MARS1: variants seen among roughly 807,000 people sequenced by gnomAD.
The protein encoded by MARS1 is methionine--tRNA ligase, cytoplasmic.
MARS1 carries 80 observed loss-of-function variants against 119.5 expected under a neutral mutation model. That is an observed-to-expected ratio of 0.67 (90% confidence interval 0.56 to 0.81). The LOEUF (loss-of-function observed/expected upper bound fraction) is 0.81, where lower values mean the gene tolerates loss of function less well. Among genes scored for constraint, MARS1 ranks in the 30% least tolerant of loss-of-function variants. The pLI is 0.00. For missense variants in MARS1, 945 were observed against 1,116.5 expected (o/e 0.85, Z 2.19); for synonymous variants, 418 against 433.4 (o/e 0.96, Z 0.44).
intron 7 of MARS1, among the ~76,000 whole-genome samples, chr12:57,497,852 G>A (rs903494109): frequency 5.9e-5 from 9 of 152,070 alleles, no homozygotes; most frequent in African/African-American, 2.2e-4. Context: ...GTTTGAGCCT[G>A]AGAATGAGGT....
In MARS1 at chr12:57,504,335, G is replaced by A. The variant is rs145092134; in HGVS notation, c.1368+36G>A. ...TTTTCTCTCAACCTAGTTTTCAGGA[G>A]GCCTCTTCTGTCCCCTCTGCCTTAG... On this transcript the variant is annotated intron_variant, in intron 11 of 20. Transcript: ENST00000262027. 9.7e-4 allele frequency: 1,502 copies of A among 1,545,456 alleles called. 35 individuals carry two copies. The East Asian group carries it at 0.027, about 28-fold the overall frequency.
rs529205399 is a variant in MARS1 at position 57,510,397 on chromosome 12, G to A, written c.1369-1301G>A. Among the ~76,000 whole-genome samples the A allele has an allele frequency of 3.6e-4, 54 of 151,274 alleles. 1 individual carries two copies. Among genetic ancestry groups the A allele is most frequent in the Admixed American group, 3.0e-3 (46 of 15,194 alleles). On this transcript the variant is annotated intron_variant, in intron 11 of 20. Coordinates refer to ENST00000262027, the MANE Select transcript of MARS1 (RefSeq NM_004990.4). ...TGAGGCAGGAGAATCGCTTGAACCT[G>A]GAGGTGGGGAGGTTGCAGTGAGCTG... is the stretch of plus-strand genomic sequence containing the variant.
rs1565645936 is a variant in MARS1 at position 57,502,729 on chromosome 12, ACAAC to A, written c.1294-1495_1294-1492del. Among the ~76,000 whole-genome samples, 10 of 132,750 alleles carry A rather than the reference ACAAC, an allele frequency of 7.5e-5. 1 individual carries two copies. The highest frequency in any genetic ancestry group is 1.4e-4 in the African/African-American group (5 of 36,208). 87.1% of individuals were successfully genotyped at this position (132,750 alleles called of 152,430 possible). A position where few individuals can be genotyped will look rare whatever the true frequency, so the allele number is the denominator to read the frequency against. ...TCAAAAAAAAAAAAAAAAAGCAACA[ACAAC>A]AAAAAAAAAACAAGCCAGGCACGGT... On this transcript the variant is annotated intron_variant, in intron 10 of 20. Coordinates refer to ENST00000262027, the MANE Select transcript of MARS1 (RefSeq NM_004990.4).
intron 7 of MARS1, among the ~76,000 whole-genome samples, chr12:57,494,739 C>T (rs1339095153): frequency 5.9e-5 from 9 of 151,960 alleles, no homozygotes; most frequent in Non-Finnish European, 1.2e-4. Flanking sequence ...CAAGCATCTG[C>T]TTAACAAAGC....
chr12:57,490,722 G>A (rs1322047443), intron 7 of MARS1, 78 bp downstream of exon 7: 1 of 1,141,424 alleles, frequency 8.8e-7, no homozygotes, highest in Non-Finnish European at 1.3e-6. Context: ...CTGCCTGCTA[G>A]GTCCCGTTTG....
chr12:57,500,576 G>C, intron 10 of MARS1, 54 bp downstream of exon 10: 1 of 1,540,290 alleles, frequency 6.5e-7, no homozygotes, highest in Non-Finnish European at 8.9e-7. Context: ...TATTCTTAAG[G>C]GACGCCCTTC....
chr12:57,507,846 C>G (rs966746844), intron 11 of MARS1, among the ~76,000 whole-genome samples: 3 of 150,256 alleles, frequency 2.0e-5, no homozygotes, highest in Non-Finnish European at 4.5e-5. Flanking sequence ...CGGGCGGAGA[C>G]GCTCCTCACT....
chr12:57,510,055 A>G (rs1032339971), intron 11 of MARS1, among the ~76,000 whole-genome samples: 3 of 152,286 alleles, frequency 2.0e-5, no homozygotes, highest in East Asian at 3.9e-4. Context: ...TCTGTCACCC[A>G]GGCTGGAGTG....
chr12:57,497,366 G>A (rs562860474), intron 7 of MARS1, among the ~76,000 whole-genome samples: 2 of 152,266 alleles, frequency 1.3e-5, no homozygotes, highest in African/African-American at 4.8e-5. Flanking sequence ...AAGGGTTGAG[G>A]TTAATGTGAG....
chr12:57,503,067 A>T (rs1877005825), intron 10 of MARS1, among the ~76,000 whole-genome samples: 1 of 152,140 alleles, frequency 6.6e-6, no homozygotes, highest in African/African-American at 2.4e-5. Flanking sequence ...CTCTACTACA[A>T]AGCCCTCTCT....
chr12:57,493,809 TG>T (rs1188793552), intron 7 of MARS1, among the ~76,000 whole-genome samples: 31 of 1,094 alleles, frequency 0.028, 3 homozygotes, highest in South Asian at 0.062. Flanking sequence ...TATTATATAA[TG>T]TATATTATAT....
At chr12:57,516,209 T>C (rs559809345) in intron 19 of MARS1, 36 bp from the exon 20 acceptor site, 1 of 1,588,366 alleles carries the variant, frequency 6.3e-7, no homozygotes, top group Non-Finnish European at 8.6e-7. Context: ...TTAGGGGATA[T>C]TTATGGTTGC....
At chr12:57,504,115 G>T (rs1877063598) in intron 10 of MARS1, 110 bp from the exon 11 acceptor site, 10 of 749,006 alleles carry the variant, frequency 1.3e-5, no homozygotes, top group Middle Eastern at 7.3e-4. Flanking sequence ...TGAGCCTGAA[G>T]CTAAACTAGA....
At chr12:57,504,746 C>T (rs185086082) in intron 11 of MARS1, among the ~76,000 whole-genome samples, 1 of 149,038 alleles carries the variant, frequency 6.7e-6, no homozygotes, top group East Asian at 2.0e-4. Flanking sequence ...TCTTGTCGCC[C>T]AGGCTGGTGT....
intron 9 of MARS1, 148 bp from the exon 10 acceptor site, chr12:57,500,173 C>T (rs1359883988): frequency 2.8e-6 from 2 of 708,950 alleles, no homozygotes; most frequent in South Asian, 3.2e-5. Flanking sequence ...GTAAAACTCT[C>T]AAAAGATGAA....
chr12:57,513,009 G>C, intron 15 of MARS1, 45 bp downstream of exon 15: 1 of 1,526,502 alleles, frequency 6.6e-7, no homozygotes, highest in African/African-American at 1.4e-5. Context: ...GCTGGGGTGG[G>C]GCTCATTTTC....
chr12:57,493,767 T>C (rs372088436), intron 7 of MARS1, among the ~76,000 whole-genome samples: 1 of 990 alleles, frequency 1.0e-3, no homozygotes, highest in Non-Finnish European at 2.9e-3. Flanking sequence ...TTATATATAT[T>C]ATATATAATA....
At position 57,504,256 on chromosome 12, in the gene MARS1, C is replaced by CT; in HGVS notation, c.1326dup (p.Val443CysfsTer14). ...CAGTGTAAAGTCTGCCGATCATGCC[C>CT]TGTGGTGCAGTCGAGCCAGCACCTG... On this transcript the variant is annotated frameshift_variant, in exon 11 of 21. Transcript: ENST00000262027. LOFTEE classifies it high-confidence loss of function. 1 of 1,614,162 alleles carries CT rather than the reference C, an allele frequency of 6.2e-7. No individual in the cohort carries two copies. Among genetic ancestry groups the CT allele is most frequent in the Middle Eastern group, 1.6e-4 (1 of 6,062 alleles).
intron 1 of MARS1, chr12:57,488,708 C>A: frequency 6.7e-7 from 1 of 1,483,168 alleles, no homozygotes; most frequent in Non-Finnish European, 9.2e-7. Context: ...CTGTGACCTT[C>A]AGATAATTAT....
Sources: gnomAD v4.1 joint callset for allele counts (sites outside exome capture counted in the v4.1 genomes callset) on GRCh38, gnomAD v4.1.1 for gene constraint, MANE v1.5 for transcripts, NCBI Gene and HGNC (gene_info 2026-07-23, HGNC 2026-07-21) for gene names.